ACSM1: variants seen among roughly 807,000 people sequenced by gnomAD.
ACSM1 encodes acyl-CoA synthetase medium chain family member 1, also known as acyl-coenzyme A synthetase ACSM1, mitochondrial.
Under a neutral mutation model 75.8 loss-of-function variants are expected in ACSM1, and 79 were observed. The observed-to-expected ratio is 1.04, with a 90% CI of 0.87 to 1.26. The LOEUF is 1.26. Among genes scored for constraint, ACSM1 ranks in the 50% most tolerant of loss-of-function variants. The probability of loss-of-function intolerance (pLI) is 0.00; values close to 1 mark genes in which losing one functional copy is unlikely to be tolerated. For synonymous variants in ACSM1, 279 were observed against 265.8 expected (o/e 1.05, Z -0.48); for missense variants, 676 against 720.1 (o/e 0.94, Z 0.70).
At chr16:20,636,164 A>G (rs1240909031) in intron 10 of ACSM1, among the ~76,000 whole-genome samples, 1 of 152,182 alleles carries the variant, frequency 6.6e-6, no homozygotes, top group Non-Finnish European at 1.5e-5. Flanking sequence ...TCCATGGCCA[A>G]TATTGGGAGC....
At chr16:20,635,721 C>A (rs954348876) in intron 10 of ACSM1, among the ~76,000 whole-genome samples, 5 of 151,628 alleles carry the variant, frequency 3.3e-5, no homozygotes, top group Admixed American at 2.0e-4. Context: ...TTCACTGCAA[C>A]CTCCGCCTCC....
chr16:20,653,053 C>T (rs2018736709), intron 7 of ACSM1, among the ~76,000 whole-genome samples: 1 of 152,130 alleles, frequency 6.6e-6, no homozygotes, highest in South Asian at 2.1e-4. Context: ...AGCTTATCCA[C>T]CATGATCAGG....
At chr16:20,623,705 C>G (rs2016746454) in intron 13 of ACSM1, 133 bp from the exon 14 acceptor site, 1 of 911,284 alleles carries the variant, frequency 1.1e-6, no homozygotes, top group Non-Finnish European at 1.7e-6. Flanking sequence ...AATGGAGTCC[C>G]CAAGTATTTC....
intron 4 of ACSM1, among the ~76,000 whole-genome samples, chr16:20,678,864 G>A (rs1055691316): frequency 4.6e-5 from 7 of 152,156 alleles, no homozygotes; most frequent in African/African-American, 1.4e-4. Flanking sequence ...CAAGTCAGGT[G>A]CACCTCCACC....
Position 20,669,894 on chromosome 16 carries a change from G to C in ACSM1, c.845C>G (p.Pro282Arg), listed in dbSNP as rs1206475527. 4 of 1,613,818 alleles carry C rather than the reference G, an allele frequency of 2.5e-6. No homozygotes were observed. The highest frequency in any genetic ancestry group is 4.5e-5 in the East Asian group (2 of 44,878). ...AAAGACTGTACAACCCGCTGTCCATGGTTCTACCAGGGTCCAAATGGTAGC... is the reference window on the plus strand; with the variant it reads ...AAAGACTGTACAACCCGCTGTCCATCGTTCTACCAGGGTCCAAATGGTAGC... ...IVATIWTLVE[P>R]WTAGCTVFIH... Residue 282 changes from proline (P) to arginine (R), a missense_variant, in exon 6 of 14, where the codon CCA (proline) becomes CGA (arginine). Transcript: ENST00000520010.
In ACSM1 at chr16:20,623,574, T is replaced by C. The variant is rs2016738300; in HGVS notation, c.1648-2A>G. ...TGGCAGCTCTGAGACAAACTCCACC[T>C]GGTTGAGGATAAAGCAAATCCACAG... On this transcript the variant is annotated splice_acceptor_variant, in intron 13 of 13. Coordinates refer to ENST00000520010, the MANE Select transcript of ACSM1 (RefSeq NM_001318890.3). LOFTEE classifies it high-confidence loss of function. 7.4e-6 allele frequency: 12 copies of C among 1,613,932 alleles called. No homozygotes were observed. The highest frequency in any genetic ancestry group is 1.1e-5 in the South Asian group (1 of 91,074).
intron 1 of ACSM1, among the ~76,000 whole-genome samples, chr16:20,695,050 ACTC>A (rs2079682244): frequency 6.6e-6 from 1 of 152,306 alleles, no homozygotes; most frequent in South Asian, 2.1e-4. Flanking sequence ...AAACCAATGT[ACTC>A]CTCTTGATCA....
Position 20,648,638 on chromosome 16 carries a change from C to T in ACSM1, c.993-8054G>A, listed in dbSNP as rs1191119961. On this transcript the variant is annotated intron_variant, in intron 7 of 13. Coordinates refer to ENST00000520010, the MANE Select transcript of ACSM1 (RefSeq NM_001318890.3). This position sits in a 1 kb window ranked among gnomAD's most constrained non-coding sequence, Gnocchi z 4.2. The stretch of plus-strand genomic sequence containing the variant: ...CTCTGAAGCCTGCACCTGGAAGCTT[C>T]ATCTGCATAATAAAAACTTTTATTT... 2.6e-5 allele frequency among the ~76,000 whole-genome samples: 4 copies of T among 152,184 alleles called. No individual in the cohort carries two copies. Among genetic ancestry groups the T allele is most frequent in the Admixed American group, 2.6e-4 (4 of 15,262 alleles).
chr16:20,632,893 A>G (rs2017432724), intron 10 of ACSM1, among the ~76,000 whole-genome samples: 1 of 152,222 alleles, frequency 6.6e-6, no homozygotes, highest in Non-Finnish European at 1.5e-5. Context: ...AATATAATAA[A>G]CCACATTAAT....
chr16:20,685,161 G>A (rs757467727), intron 3 of ACSM1, 32 bp downstream of exon 3: 21 of 1,612,024 alleles, frequency 1.3e-5, no homozygotes, highest in Admixed American at 6.7e-5. Flanking sequence ...GAACAGCCCC[G>A]AGGTCCACCA....
At chr16:20,625,577 C>A in intron 11 of ACSM1, 55 bp from the exon 12 acceptor site, 1 of 1,508,360 alleles carries the variant, frequency 6.6e-7, no homozygotes, top group East Asian at 2.4e-5. Context: ...ACCAAGTCCC[C>A]AGATCTCCTG....
intron 10 of ACSM1, among the ~76,000 whole-genome samples, chr16:20,629,090 G>A (rs2017181808): frequency 6.6e-6 from 1 of 152,172 alleles, no homozygotes; most frequent in African/African-American, 2.4e-5. Flanking sequence ...GTCTCAAGAG[G>A]AAGACATGCT....
At chr16:20,633,243 G>A (rs369434385) in intron 10 of ACSM1, among the ~76,000 whole-genome samples, 6 of 152,264 alleles carry the variant, frequency 3.9e-5, no homozygotes, top group African/African-American at 1.4e-4. Context: ...CAGATGGCAT[G>A]ACCATATATA....
chr16:20,663,674 A>C (rs1473635718), intron 6 of ACSM1, among the ~76,000 whole-genome samples: 1 of 152,176 alleles, frequency 6.6e-6, no homozygotes, highest in Non-Finnish European at 1.5e-5. Flanking sequence ...TACAAACAGA[A>C]ACAAGGAAGC....
At chr16:20,649,559 C>T (rs776372533) in intron 7 of ACSM1, among the ~76,000 whole-genome samples, 55 of 152,186 alleles carry the variant, frequency 3.6e-4, no homozygotes, top group Non-Finnish European at 6.8e-4. Context: ...CTCTCTCTCT[C>T]TCTGATGTCT....
At position 20,682,451 on chromosome 16, in the gene ACSM1, A is replaced by G. The variant is rs1251267542; in HGVS notation, c.416T>C (p.Ile139Thr). 1.9e-6 allele frequency: 3 copies of G among 1,613,268 alleles called. No homozygotes were observed. The African/African-American group carries it at 4.0e-5, about 22-fold the overall frequency. ...VGCMRTGIIFIPATILLKAKD... is the reference protein window; with the variant it reads ...VGCMRTGIIFTPATILLKAKD... ...GGCCTTCAACAGGATGGTCGCAGGA[A>G]TGAAGATGATCCCTGGGGATGAGAA... Residue 139 changes from isoleucine to threonine, a missense_variant, in exon 4 of 14, where the codon ATT (isoleucine) becomes ACT (threonine). Physicochemically the swap from Ile to Thr is moderately conservative, Grantham distance 89. Transcript: ENST00000520010.
chr16:20,678,043 TG>T (rs2079346507), intron 4 of ACSM1, among the ~76,000 whole-genome samples: 2 of 151,398 alleles, frequency 1.3e-5, no homozygotes, highest in African/African-American at 4.9e-5. Flanking sequence ...AATAAATAAA[TG>T]AGACAAAGAG....
Position 20,640,555 on chromosome 16 carries a change from T to C in ACSM1, c.1022A>G (p.Tyr341Cys), listed in dbSNP as rs527828401. 7 of 1,614,178 alleles carry C rather than the reference T, an allele frequency of 4.3e-6. No homozygotes were observed. The African/African-American group carries it at 8.0e-5, about 18-fold the overall frequency. The change falls in exon 8 of 14, where the codon TAT becomes TGT. Residue 341 changes from tyrosine to cysteine, a missense_variant. Transcript: ENST00000520010. ...SIRFPALEHC[Y>C]TGGEVVLPKD... is the part of the protein sequence containing the mutation. ...GGGCAACACGACCTCCCCGCCAGTA[T>C]AGCAGTGCTCCAGGGCAGGGAACCT...
intron 8 of ACSM1, among the ~76,000 whole-genome samples, chr16:20,638,256 G>A (rs1466459865): frequency 6.6e-6 from 1 of 152,140 alleles, no homozygotes; most frequent in South Asian, 2.1e-4. Context: ...GTGCTTGTAA[G>A]CATATGGAAA....
Sources: allele counts gnomAD v4.1 joint callset (sites outside exome capture counted in the v4.1 genomes callset), GRCh38; gene constraint gnomAD v4.1.1; non-coding constraint Gnocchi (gnomAD v3.1); transcripts MANE v1.5; gene names NCBI Gene and HGNC (gene_info 2026-07-23, HGNC 2026-07-21).